Variants in CTR9 observed in about 807,000 individuals in gnomAD.
The protein encoded by CTR9 is CTR9 component of Paf1/RNA polymerase II complex, also known as RNA polymerase-associated protein CTR9 homolog.
A neutral mutation model predicts 152.1 loss-of-function variants in CTR9; 41 were observed. The ratio of observed to expected loss-of-function variants is 0.27; its 90% CI spans 0.21 to 0.35. The LOEUF is 0.35. Among genes scored for constraint, CTR9 ranks in the 10% least tolerant of loss-of-function variants. CTR9 has a pLI of 1.00. For synonymous variants in CTR9, 476 were observed against 496.2 expected, an observed-to-expected ratio of 0.96 and a Z score of 0.54; for missense variants, 917 against 1,424.4, an observed-to-expected ratio of 0.64 and a Z score of 5.73.
chr11:10,765,598 A>G (rs1863046828), intron 12 of CTR9, among the ~76,000 whole-genome samples: 1 of 152,002 alleles, frequency 6.6e-6, no homozygotes, highest in Non-Finnish European at 1.5e-5. Flanking sequence ...AGTAATTGGG[A>G]TTACAGGGGC....
At chr11:10,775,324 T>G in intron 23 of CTR9, 21 bp downstream of exon 23, 1 of 1,598,800 alleles carries the variant, frequency 6.3e-7, no homozygotes, top group South Asian at 1.1e-5. Context: ...AGTACTGTGT[T>G]TTTCTGTCCC....
intron 7 of CTR9, among the ~76,000 whole-genome samples, 163 bp downstream of exon 7, chr11:10,762,217 G>A (rs1387375953): frequency 6.6e-6 from 1 of 152,022 alleles, no homozygotes; most frequent in Non-Finnish European, 1.5e-5. Context: ...ACCTACATTT[G>A]TTTATTCATT....
rs538099394 is a variant in CTR9 at position 10,775,374 on chromosome 11, C to G, written c.2982+71C>G. On this transcript the variant is annotated intron_variant, in intron 23 of 24. Coordinates refer to ENST00000361367, the MANE Select transcript of CTR9 (RefSeq NM_014633.5). Reference sequence around the variant, plus strand: ...AGATTGCAGTACACTAGAATACATTCTTTCCTTGCAGCTTTCTCAAGCACA... The same window carrying G: ...AGATTGCAGTACACTAGAATACATTGTTTCCTTGCAGCTTTCTCAAGCACA... 13 of 1,439,068 alleles carry G rather than the reference C, an allele frequency of 9.0e-6. No homozygotes were observed. In the Admixed American group the frequency reaches 2.0e-4, roughly 23 times the overall value. The allele number at this position is 1,439,068 out of a possible 1,614,324, so 89.1% of individuals were successfully genotyped here.
intron 2 of CTR9, 83 bp downstream of exon 2, chr11:10,752,853 C>G (rs1862826816): frequency 9.3e-7 from 1 of 1,075,986 alleles, no homozygotes; most frequent in Non-Finnish European, 1.4e-6. Context: ...TAATAGCCAG[C>G]TTGGCTGCAT....
Position 10,751,363 on chromosome 11 carries a change from C to A in CTR9, c.-50C>A, listed in dbSNP as rs1862797055. 6.2e-7 allele frequency: 1 copy of A among 1,604,394 alleles called. No homozygotes were observed. The highest frequency in any genetic ancestry group is 8.5e-7 in the Non-Finnish European group (1 of 1,172,734). ...CTGGATTAGCCTGAAGCGGAGACTACCGGCTGCGGAGCGGCGGGGCGAGAC... is the reference window on the plus strand; with the variant it reads ...CTGGATTAGCCTGAAGCGGAGACTAACGGCTGCGGAGCGGCGGGGCGAGAC... On this transcript the variant is annotated 5_prime_UTR_variant, in exon 1 of 25. Coordinates refer to ENST00000361367, the MANE Select transcript of CTR9 (RefSeq NM_014633.5).
chr11:10,771,850 T>C (rs1454379846), intron 19 of CTR9, among the ~76,000 whole-genome samples: 1 of 152,226 alleles, frequency 6.6e-6, no homozygotes, highest in African/African-American at 2.4e-5. Context: ...ATTTTACTTA[T>C]GTCAGCTATG....
intron 10 of CTR9, 28 bp from the exon 11 acceptor site, chr11:10,764,280 C>T (rs375036243): frequency 1.2e-6 from 2 of 1,613,748 alleles, no homozygotes; most frequent in African/African-American, 2.7e-5. Context: ...TCCACTTACA[C>T]CTTTTTCTGT....
chr11:10,775,762 G>T, intron 24 of CTR9, 129 bp downstream of exon 24: 1 of 581,146 alleles, frequency 1.7e-6, no homozygotes, highest in Non-Finnish European at 2.8e-6. Flanking sequence ...AAGAGGGGTG[G>T]GGACAGACTT....
rs1457775201 is a variant in CTR9, at chr11:10,763,737, A to C, written c.1052A>C (p.Tyr351Ser). 1 of 1,614,030 alleles carries C rather than the reference A, an allele frequency of 6.2e-7. No individual in the cohort carries two copies. The highest frequency in any genetic ancestry group is 8.5e-7 in the Non-Finnish European group (1 of 1,179,972). Reference sequence around the variant, plus strand: ...CCATTTTTTGGTTTGGGACAAATGTATATTTATCGAGGTGACAAAGAAAAT... The same window carrying C: ...CCATTTTTTGGTTTGGGACAAATGTCTATTTATCGAGGTGACAAAGAAAAT... ...VLPFFGLGQM[Y>S]IYRGDKENAS... is the part of the protein sequence containing the mutation. Residue 351 changes from tyrosine to serine, a missense_variant, in exon 9 of 25, where the codon TAT (tyrosine) becomes TCT (serine). By Grantham distance (144) the Tyr-to-Ser change is moderately radical. Transcript: ENST00000361367.
chr11:10,757,036 C>A (rs2135358659), intron 5 of CTR9, among the ~76,000 whole-genome samples, 198 bp downstream of exon 5: 1 of 152,186 alleles, frequency 6.6e-6, no homozygotes, highest in Non-Finnish European at 1.5e-5. Context: ...GCCAATAATC[C>A]CAGCACTTTG....
chr11:10,774,226 T>A (rs1037847845), intron 22 of CTR9, 57 bp downstream of exon 22: 3 of 1,530,448 alleles, frequency 2.0e-6, no homozygotes, highest in Non-Finnish European at 2.6e-6. Flanking sequence ...AAAGACCTTT[T>A]ACCTTCTGAA....
chr11:10,768,021 C>T (rs1863085918), intron 14 of CTR9, 30 bp downstream of exon 14: 7 of 1,613,326 alleles, frequency 4.3e-6, no homozygotes, highest in Non-Finnish European at 5.9e-6. Context: ...TTAAACAAAA[C>T]TGATACTCTA....
rs747232757 is a variant in CTR9 at position 10,775,272 on chromosome 11, G to C, written c.2951G>C (p.Arg984Pro). 5 of 1,613,946 alleles carry C rather than the reference G, an allele frequency of 3.1e-6. No individual in the cohort carries two copies. Among genetic ancestry groups the C allele is most frequent in the Admixed American group, 3.3e-5 (2 of 59,996 alleles). ...ETENGPKPKK[R>P]RPPKAEKKKA... ...GAAAATGGCCCCAAACCAAAAAAAC[G>C]ACGTCCACCAAAAGCAGAGAAGAAA... The change falls in exon 23 of 25, where the codon CGA becomes CCA. Residue 984 changes from arginine (R) to proline (P), a missense_variant. Transcript: ENST00000361367.
chr11:10,774,366 T>C, intron 22 of CTR9, 197 bp downstream of exon 22: 1 of 488,186 alleles, frequency 2.0e-6, no homozygotes, highest in South Asian at 4.1e-5. Context: ...TCCATACGTC[T>C]CCACAGCTTT....
At chr11:10,775,755 A>G in intron 24 of CTR9, 122 bp downstream of exon 24, 1 of 616,766 alleles carries the variant, frequency 1.6e-6, no homozygotes, top group Non-Finnish European at 2.6e-6. Context: ...AAATAATAAG[A>G]GGGGTGGGGA....
chr11:10,760,647 G>T (rs1304795214), intron 6 of CTR9, among the ~76,000 whole-genome samples: 1 of 150,802 alleles, frequency 6.6e-6, no homozygotes, highest in Non-Finnish European at 1.5e-5. Flanking sequence ...TTAGATTTCA[G>T]AATCTCAGAT....
intron 13 of CTR9, among the ~76,000 whole-genome samples, 186 bp downstream of exon 13, chr11:10,766,676 TG>T (rs1428710607): frequency 2.0e-5 from 3 of 152,216 alleles, no homozygotes; most frequent in Non-Finnish European, 4.4e-5. Context: ...ATAGGGACCA[TG>T]TTTTTTTATG....
chr11:10,762,740 A>G (rs975576651), intron 7 of CTR9, among the ~76,000 whole-genome samples: 3 of 152,182 alleles, frequency 2.0e-5, no homozygotes, highest in African/African-American at 7.2e-5. Flanking sequence ...GTAGTGGCTC[A>G]TGCCTGTAAT....
chr11:10,774,079 C>T lies in CTR9; in HGVS notation c.2795C>T (p.Ser932Phe). The T allele has an allele frequency of 3.1e-6, 5 of 1,611,576 alleles. No homozygotes were observed. The highest frequency in any genetic ancestry group is 4.2e-6 in the Non-Finnish European group (5 of 1,178,360). The change falls in exon 22 of 25, where the codon TCC becomes TTC. Residue 932 changes from serine to phenylalanine, a missense_variant. Around this residue, in one of 9 missense-constraint regions of CTR9, gnomAD observed 384 missense variants for 398.4 expected, o/e 0.96. Coordinates refer to ENST00000361367, the MANE Select transcript of CTR9 (RefSeq NM_014633.5). ...GACACTGATGATGACCTACCTATAT[C>T]CAAAAAGAAGAAGAGAAGAAAGGGT... ...NDDTDDDLPI[S>F]KKKKRRKGSG...
Sources: gnomAD v4.1 joint callset for allele counts (sites outside exome capture counted in the v4.1 genomes callset) on GRCh38, gnomAD v4.1.1 for gene constraint, gnomAD v4.1.1 regional missense constraint, MANE v1.5 for transcripts, NCBI Gene and HGNC (gene_info 2026-07-23, HGNC 2026-07-21) for gene names.